Variants in TRAPPC3L observed in about 807,000 individuals in gnomAD.
TRAPPC3L encodes the protein trafficking protein particle complex subunit 3-like protein.
Under a neutral mutation model 23.7 loss-of-function variants are expected in TRAPPC3L, and 23 were observed. The ratio of observed to expected loss-of-function variants is 0.97; its 90% CI spans 0.70 to 1.37. The LOEUF is 1.37. TRAPPC3L is among the 40% of genes most tolerant of loss of function. The pLI, the probability that TRAPPC3L is intolerant of heterozygous loss-of-function variation, is 0.00. For missense variants in TRAPPC3L, 212 were observed against 216.8 expected, an observed-to-expected ratio of 0.98 and a Z score of 0.14; for synonymous variants, 81 against 77.9, an observed-to-expected ratio of 1.04 and a Z score of -0.21.
At chr6:116,513,970 T>C (rs760734634) in intron 3 of TRAPPC3L, among the ~76,000 whole-genome samples, 2 of 152,200 alleles carry the variant, frequency 1.3e-5, no homozygotes, top group Admixed American at 6.6e-5. Flanking sequence ...TAATATCACT[T>C]ACTTTGGAGA....
chr6:116,516,191 G>C, intron 3 of TRAPPC3L: 3 of 585,050 alleles, frequency 5.1e-6, no homozygotes, highest in Non-Finnish European at 5.3e-6. Context: ...GGTGACAAAG[G>C]TGCTCTTGCA....
At chr6:116,527,819 G>T (rs962219434) in intron 3 of TRAPPC3L, among the ~76,000 whole-genome samples, 1 of 152,208 alleles carries the variant, frequency 6.6e-6, no homozygotes, top group African/African-American at 2.4e-5. Flanking sequence ...CTAGGAGGGA[G>T]AGCATTTGGA....
chr6:116,527,134 C>T (rs1772453132), intron 3 of TRAPPC3L, among the ~76,000 whole-genome samples: 1 of 152,088 alleles, frequency 6.6e-6, no homozygotes, highest in Non-Finnish European at 1.5e-5. Flanking sequence ...TTCTTGCCTC[C>T]CCAAATAATT....
intron 4 of TRAPPC3L, among the ~76,000 whole-genome samples, chr6:116,498,273 C>T (rs528855252): frequency 9.2e-5 from 14 of 152,162 alleles, no homozygotes; most frequent in Middle Eastern, 3.4e-3. Context: ...ATGGTTTTTC[C>T]CTTTGCCCAT....
intron 3 of TRAPPC3L, among the ~76,000 whole-genome samples, chr6:116,533,727 A>G (rs1450542601): frequency 6.6e-6 from 1 of 152,224 alleles, no homozygotes; most frequent in Non-Finnish European, 1.5e-5. Context: ...AAGGTGCTGC[A>G]GGGACACTGC....
chr6:116,515,957 A>G, intron 3 of TRAPPC3L: 2 of 1,609,670 alleles, frequency 1.2e-6, no homozygotes, highest in Non-Finnish European at 1.7e-6. Context: ...TGAGACGACA[A>G]TGGTCCTTGT....
intron 3 of TRAPPC3L, chr6:116,512,481 A>G: frequency 2.1e-6 from 1 of 477,844 alleles, no homozygotes; most frequent in East Asian, 3.2e-5. Context: ...GATTGTCCAC[A>G]TATAAATACT....
chr6:116,521,455 T>C (rs1397771020), intron 3 of TRAPPC3L: 1 of 151,928 alleles, frequency 6.6e-6, no homozygotes, highest in Non-Finnish European at 1.5e-5. Flanking sequence ...AAGGAGAATA[T>C]TGGTGACCCA....
intron 2 of TRAPPC3L, among the ~76,000 whole-genome samples, chr6:116,542,985 C>G (rs557409964): frequency 1.3e-5 from 2 of 152,104 alleles, no homozygotes; most frequent in African/African-American, 4.8e-5. Flanking sequence ...TTGATGTTCC[C>G]TCATGTTGTT....
chr6:116,516,022 T>G, intron 3 of TRAPPC3L: 1 of 1,544,408 alleles, frequency 6.5e-7, no homozygotes, highest in Non-Finnish European at 8.7e-7. Flanking sequence ...TGGTGTTGAG[T>G]GGCATGCTCA....
intron 3 of TRAPPC3L, chr6:116,515,825 A>G: frequency 6.2e-7 from 1 of 1,613,982 alleles, no homozygotes; most frequent in Non-Finnish European, 8.5e-7. Flanking sequence ...TCCTTTTCCC[A>G]TGCCTACGTT....
chr6:116,536,993 T>A (rs1466494600), intron 3 of TRAPPC3L, among the ~76,000 whole-genome samples: 1 of 152,206 alleles, frequency 6.6e-6, no homozygotes, highest in Non-Finnish European at 1.5e-5. Context: ...ATAACTAAAG[T>A]CTGACCTTTC....
rs1471464678 is a variant in TRAPPC3L at position 116,496,755 on chromosome 6, C to T, written c.*199G>A. 3.1e-6 allele frequency: 2 copies of T among 639,536 alleles called. No individual in the cohort carries two copies. The highest frequency in any genetic ancestry group is 2.0e-5 in the African/African-American group (1 of 51,148). 39.6% of individuals were successfully genotyped at this position (639,536 alleles called of 1,614,324 possible). The stretch of plus-strand genomic sequence containing the variant: ...CTATTTGCATATGAAATTTTGTGGA[C>T]ATGAGATTGAAAATGCGTGATTTAT... On this transcript the variant is annotated 3_prime_UTR_variant, in exon 5 of 5. Coordinates refer to ENST00000368602, the MANE Select transcript of TRAPPC3L (RefSeq NM_001139444.3).
rs1180969607 is a variant in TRAPPC3L, at chr6:116,534,029, C to G, written c.240+6334G>C. Among the ~76,000 whole-genome samples, 3 of 152,178 alleles carry G rather than the reference C, an allele frequency of 2.0e-5. No homozygotes were observed. The East Asian group carries it at 5.8e-4, about 29-fold the overall frequency. ...ACCTTCCCCAACAAGATTTGAATCC[C>G]AGCCTTAAGAAGTGGAACTCTGTCT... On this transcript the variant is annotated intron_variant, in intron 3 of 4. Transcript: ENST00000368602.
intron 1 of TRAPPC3L, chr6:116,543,925 T>C (rs1286591651): frequency 7.4e-7 from 1 of 1,342,468 alleles, no homozygotes; most frequent in African/African-American, 1.5e-5. Context: ...GATATTTCCT[T>C]ATAGTTCTCC....
chr6:116,537,972 G>T (rs1773200366), intron 3 of TRAPPC3L, among the ~76,000 whole-genome samples: 1 of 152,174 alleles, frequency 6.6e-6, no homozygotes, highest in African/African-American at 2.4e-5. Context: ...CCTGGTCGAG[G>T]ACCACAGGTA....
intron 3 of TRAPPC3L, among the ~76,000 whole-genome samples, chr6:116,512,765 A>C (rs1277251887): frequency 6.6e-6 from 1 of 152,200 alleles, no homozygotes; most frequent in African/African-American, 2.4e-5. Context: ...CTGTGTATAA[A>C]TATTGTCAAG....
At chr6:116,541,351 C>G (rs995379284) in intron 2 of TRAPPC3L, among the ~76,000 whole-genome samples, 16 of 152,266 alleles carry the variant, frequency 1.1e-4, no homozygotes, top group Middle Eastern at 6.8e-3. Context: ...TGCCAAACCT[C>G]TATCAAAATT....
rs1015117181 is a variant in TRAPPC3L at position 116,495,678 on chromosome 6, A to G, written c.*1276T>C. 6.6e-6 allele frequency: 1 copy of G among 152,122 alleles called. No homozygotes were observed. The highest frequency in any genetic ancestry group is 6.6e-5 in the Admixed American group (1 of 15,256). The allele number at this position is 152,122 out of a possible 1,614,324, so 9.4% of individuals were successfully genotyped here. A position where few individuals can be genotyped will look rare whatever the true frequency, so the allele number is the denominator to read the frequency against. ...CTTCTCCACATCTTTGCAAGCATTC[A>G]CTATTGCCTGTTTTGGATAAAAGCC... On this transcript the variant is annotated 3_prime_UTR_variant, in exon 5 of 5. Transcript: ENST00000368602.
Sources: allele counts gnomAD v4.1 joint callset (sites outside exome capture counted in the v4.1 genomes callset), GRCh38; gene constraint gnomAD v4.1.1; transcripts MANE v1.5; gene names NCBI Gene and HGNC (gene_info 2026-07-23, HGNC 2026-07-21).